The following CDC73 variants were observed in gnomAD, a reference collection of about 807,000 sequenced individuals.
The protein encoded by CDC73 is parafibromin.
In CDC73, 21 loss-of-function variants were observed where a neutral mutation model predicts 83.7. That is an observed-to-expected ratio of 0.25 (90% CI 0.18 to 0.36). The LOEUF is 0.36. CDC73 is among the 10% of genes least tolerant of loss of function. CDC73 has a pLI of 1.00. For missense variants in CDC73, 342 were observed against 653.3 expected (o/e 0.52, Z 5.19); for synonymous variants, 224 against 212.9 (o/e 1.05, Z -0.45).
chr1:193,177,491 C>CG (rs1558299137), intron 10 of CDC73, among the ~76,000 whole-genome samples: 4 of 147,716 alleles, frequency 2.7e-5, no homozygotes, highest in Admixed American at 1.4e-4. Flanking sequence ...GATCGGGCCA[C>CG]TGCACTCCAG....
At chr1:193,177,358 CAA>C (rs10672869) in intron 10 of CDC73, among the ~76,000 whole-genome samples, 171 of 69,526 alleles carry the variant, frequency 2.5e-3, no homozygotes, top group African/African-American at 9.3e-3. Flanking sequence ...ACTAAAAATA[CAA>C]AAAAAAAAAA....
At chr1:193,164,216 G>A (rs1676393487) in intron 10 of CDC73, among the ~76,000 whole-genome samples, 1 of 152,196 alleles carries the variant, frequency 6.6e-6, no homozygotes, top group South Asian at 2.1e-4. Flanking sequence ...AATAATTTCA[G>A]TCAACATATT....
chr1:193,225,110 A>G (rs777842913), intron 13 of CDC73, among the ~76,000 whole-genome samples: 78 of 150,908 alleles, frequency 5.2e-4, no homozygotes, highest in Non-Finnish European at 9.3e-4. Flanking sequence ...CTTAGCTCCC[A>G]CTTACAAATG....
intron 15 of CDC73, among the ~76,000 whole-genome samples, chr1:193,238,672 C>G (rs1677805578): frequency 6.6e-6 from 1 of 152,166 alleles, no homozygotes; most frequent in Non-Finnish European, 1.5e-5. Flanking sequence ...GATGCCTTAA[C>G]TGATAACATA....
At chr1:193,124,218 A>C (rs1376335738) in intron 1 of CDC73, among the ~76,000 whole-genome samples, 1 of 152,260 alleles carries the variant, frequency 6.6e-6, no homozygotes, top group East Asian at 1.9e-4. Context: ...GTGCACATGC[A>C]CATGGAAATA....
chr1:193,204,978 A>AT (rs201809243), intron 11 of CDC73, among the ~76,000 whole-genome samples: 1,869 of 151,418 alleles, frequency 0.012, 18 homozygotes, highest in South Asian at 0.035. Context: ...ATTCTGTATC[A>AT]TTTTTTTTTA....
chr1:193,246,941 T>A (rs1471249817), intron 15 of CDC73, among the ~76,000 whole-genome samples: 2 of 152,182 alleles, frequency 1.3e-5, no homozygotes, highest in East Asian at 1.9e-4. Context: ...TTCAGCATGA[T>A]CAGCTTATTC....
intron 10 of CDC73, among the ~76,000 whole-genome samples, chr1:193,195,746 C>T (rs1676992276): frequency 6.6e-6 from 1 of 152,070 alleles, no homozygotes; most frequent in African/African-American, 2.4e-5. Flanking sequence ...ATTTGCTGTT[C>T]CCTAACGATT....
chr1:193,232,104 A>G (rs1677671746), intron 13 of CDC73, among the ~76,000 whole-genome samples: 1 of 152,194 alleles, frequency 6.6e-6, no homozygotes, highest in African/African-American at 2.4e-5. Context: ...CACATAAGTA[A>G]GTTGATAAAT....
At chr1:193,244,657 A>G (rs1677922572) in intron 15 of CDC73, among the ~76,000 whole-genome samples, 1 of 152,194 alleles carries the variant, frequency 6.6e-6, no homozygotes, top group Admixed American at 6.5e-5. Context: ...TCCATCTTGG[A>G]ATCTTTGTGT....
intron 7 of CDC73, among the ~76,000 whole-genome samples, chr1:193,145,105 T>C (rs377230767): frequency 1.3e-5 from 2 of 152,210 alleles, no homozygotes; most frequent in East Asian, 1.9e-4. Context: ...ATTTGGAAAA[T>C]GTGCATAATT....
intron 12 of CDC73, 90 bp downstream of exon 12, chr1:193,212,190 CAT>C (rs1420032857): frequency 5.5e-6 from 6 of 1,085,904 alleles, no homozygotes; most frequent in East Asian, 2.6e-5. Context: ...AGCTGTATCA[CAT>C]GTTTGTGCTT....
At chr1:193,136,702 C>A in intron 5 of CDC73, 1 of 164,210 alleles carries the variant, frequency 6.1e-6, no homozygotes, top group East Asian at 1.9e-4. Context: ...AATATTTCCC[C>A]TTATATGAAA....
intron 14 of CDC73, among the ~76,000 whole-genome samples, 187 bp from the exon 15 acceptor site, chr1:193,236,069 A>G (rs1677752554): frequency 6.6e-6 from 1 of 152,234 alleles, no homozygotes; most frequent in South Asian, 2.1e-4. Context: ...TCATTAATAC[A>G]TTCTAATGGC....
chr1:193,150,401 A>C lies in CDC73; in HGVS notation c.907+19A>C, dbSNP rs748616344. On this transcript the variant is annotated intron_variant, in intron 9 of 16. Transcript: ENST00000367435. ...AAAGAAGGCAAGTTGCTTAATTCTTATCTTCCCCTTAGTGTGGTTGTGTTG... is the reference window on the plus strand; with the variant it reads ...AAAGAAGGCAAGTTGCTTAATTCTTCTCTTCCCCTTAGTGTGGTTGTGTTG... 7 of 1,522,074 alleles carry C rather than the reference A, an allele frequency of 4.6e-6. No individual in the cohort carries two copies. The highest frequency in any genetic ancestry group is 6.4e-6 in the Non-Finnish European group (7 of 1,095,946). The allele number at this position is 1,522,074 out of a possible 1,614,324, so 94.3% of individuals were successfully genotyped here. A position where few individuals can be genotyped will look rare whatever the true frequency, so the allele number is the denominator to read the frequency against.
intron 13 of CDC73, among the ~76,000 whole-genome samples, chr1:193,226,106 G>C (rs947878967): frequency 6.6e-6 from 1 of 152,114 alleles, no homozygotes; most frequent in Non-Finnish European, 1.5e-5. Flanking sequence ...TGTATAAGGT[G>C]AGAGATGATC....
Position 193,137,926 on chromosome 1 carries a change from T to A in CDC73, c.424-159T>A, listed in dbSNP as rs182106823. Among the ~76,000 whole-genome samples the A allele has an allele frequency of 4.6e-5, 7 of 152,352 alleles. No individual in the cohort carries two copies. The East Asian group carries it at 1.3e-3, about 29-fold the overall frequency. The stretch of plus-strand genomic sequence containing the variant: ...ATTCAACATATATTTATTGTTATTA[T>A]CTTTACGTAGCCAAAAGTAGTCTTG... On this transcript the variant is annotated intron_variant, in intron 5 of 16. Transcript: ENST00000367435.
intron 13 of CDC73, among the ~76,000 whole-genome samples, chr1:193,226,038 G>T (rs1451420005): frequency 6.6e-6 from 1 of 152,060 alleles, no homozygotes; most frequent in Non-Finnish European, 1.5e-5. Flanking sequence ...CTAGTTTCAG[G>T]TCTTTGTCCT....
At chr1:193,249,044 C>G (rs1678000073) in intron 15 of CDC73, among the ~76,000 whole-genome samples, 2 of 152,124 alleles carry the variant, frequency 1.3e-5, no homozygotes, top group Admixed American at 6.5e-5. Flanking sequence ...CAAATATTAT[C>G]ACATACTGTA....
Sources: gnomAD v4.1 joint callset for allele counts (sites outside exome capture counted in the v4.1 genomes callset) on GRCh38, gnomAD v4.1.1 for gene constraint, MANE v1.5 for transcripts, NCBI Gene and HGNC (gene_info 2026-07-23, HGNC 2026-07-21) for gene names.